Variants in VPS26B observed in about 807,000 individuals in gnomAD.
VPS26B encodes vacuolar protein sorting-associated protein 26B.
A neutral mutation model predicts 33.3 loss-of-function variants in VPS26B; 10 were observed. That is an observed-to-expected ratio of 0.30 (90% CI 0.19 to 0.51). VPS26B has a LOEUF of 0.51. Among genes scored for constraint, VPS26B ranks in the 20% least tolerant of loss-of-function variants. The pLI is 0.98. For missense variants in VPS26B, 317 were observed against 452.7 expected (o/e 0.70, Z 2.72); for synonymous variants, 190 against 176.9 (o/e 1.07, Z -0.59).
intron 2 of VPS26B, among the ~76,000 whole-genome samples, chr11:134,239,309 A>G (rs1389839600): frequency 3.3e-5 from 5 of 152,142 alleles, no homozygotes; most frequent in African/African-American, 9.7e-5. Flanking sequence ...CAGCATCTCA[A>G]TTAGCCCTTT....
At chr11:134,237,096 A>C (rs1158734484) in intron 2 of VPS26B, among the ~76,000 whole-genome samples, 1 of 152,270 alleles carries the variant, frequency 6.6e-6, no homozygotes. Flanking sequence ...TGTAACTTCC[A>C]GATTAAAAGC....
In VPS26B at chr11:134,244,896, A is replaced by G. The variant is rs1938786313; in HGVS notation, c.722-42A>G. 1 of 1,598,586 alleles carries G rather than the reference A, an allele frequency of 6.3e-7. No individual in the cohort carries two copies. The highest frequency in any genetic ancestry group is 8.5e-7 in the Non-Finnish European group (1 of 1,176,070). ...AGTGACCTGGTATAAGGGAGAGGGC[A>G]TCACCTTGCCCCCTGTGCTGACTCC... On this transcript the variant is annotated intron_variant, in intron 4 of 5. Coordinates refer to ENST00000281187, the MANE Select transcript of VPS26B (RefSeq NM_052875.5). The surrounding 1 kb of genome is among the most constrained non-coding windows in gnomAD (Gnocchi z 4.0).
In VPS26B at chr11:134,240,794, C is replaced by CCCGTGTGT. The variant is rs768998674; in HGVS notation, c.545+639_545+640insCCGTGTGT. ...GTGTCCGTGTGTGTGTGTGTGTGTC[C>CCCGTGTGT]GTGTGTGTGTGTGTGTGTGTGTGTG... is the stretch of plus-strand genomic sequence containing the variant. On this transcript the variant is annotated intron_variant, in intron 3 of 5. Coordinates refer to ENST00000281187, the MANE Select transcript of VPS26B (RefSeq NM_052875.5). The surrounding 1 kb of genome is among the most constrained non-coding windows in gnomAD (Gnocchi z 4.4). Among the ~76,000 whole-genome samples, 4 of 138,434 alleles carry CCCGTGTGT rather than the reference C, an allele frequency of 2.9e-5. No homozygotes were observed. Among genetic ancestry groups the CCCGTGTGT allele is most frequent in the African/African-American group, 1.1e-4 (4 of 36,342 alleles). The allele number at this position is 138,434 out of a possible 152,430, so 90.8% of individuals were successfully genotyped here.
At chr11:134,231,994 C>T (rs1360934577) in intron 1 of VPS26B, among the ~76,000 whole-genome samples, 2 of 152,260 alleles carry the variant, frequency 1.3e-5, no homozygotes, top group African/African-American at 4.8e-5. Flanking sequence ...GCAAAGCTGG[C>T]TCAGTTTCCT....
intron 1 of VPS26B, among the ~76,000 whole-genome samples, chr11:134,231,170 G>A (rs556606319): frequency 3.9e-5 from 6 of 152,134 alleles, no homozygotes; most frequent in East Asian, 1.9e-4. Flanking sequence ...TCAGACATGC[G>A]GAGGAGGGCA....
At chr11:134,239,343 TG>T (rs763498291) in intron 2 of VPS26B, among the ~76,000 whole-genome samples, 3 of 152,214 alleles carry the variant, frequency 2.0e-5, no homozygotes, top group African/African-American at 4.8e-5. Flanking sequence ...TTTCTCTATT[TG>T]CCCATCTCCC....
At chr11:134,234,837 T>A in intron 1 of VPS26B, 60 bp from the exon 2 acceptor site, 1 of 1,577,360 alleles carries the variant, frequency 6.3e-7, no homozygotes, top group East Asian at 2.3e-5. Context: ...AGCCCCCTAC[T>A]CGGCCCGGTG....
At chr11:134,241,207 AAGT>A (rs887269429) in intron 3 of VPS26B, among the ~76,000 whole-genome samples, 5 of 152,190 alleles carry the variant, frequency 3.3e-5, no homozygotes, top group African/African-American at 9.6e-5. Context: ...CAAAGTCTCT[AAGT>A]AGGATTTTCA....
At chr11:134,242,542 A>C (rs987514664) in intron 3 of VPS26B, among the ~76,000 whole-genome samples, 1 of 152,258 alleles carries the variant, frequency 6.6e-6, no homozygotes. Context: ...CCTGAGGGTC[A>C]GGAAGTGTTA....
In VPS26B at chr11:134,240,020, G is replaced by A; in HGVS notation, c.410G>A (p.Arg137His). The A allele has an allele frequency of 2.5e-6, 4 of 1,614,108 alleles. No individual in the cohort carries two copies. The highest frequency in any genetic ancestry group is 3.4e-6 in the Non-Finnish European group (4 of 1,180,026). Reference protein sequence around the residue: ...RYFLRATISRRLNDVVKEMDI... With the variant: ...RYFLRATISRHLNDVVKEMDI... ...TTCCTTCGTGCTACCATCAGCCGCC[G>A]CCTCAATGATGTTGTCAAAGAGATG... Residue 137 changes from arginine to histidine, a missense_variant, in exon 3 of 6, where the codon CGC becomes CAC. Arg to His is a conservative substitution (Grantham distance 29). Coordinates refer to ENST00000281187, the MANE Select transcript of VPS26B (RefSeq NM_052875.5). This position sits in a 1 kb window ranked among gnomAD's most constrained non-coding sequence, Gnocchi z 4.4.
At chr11:134,234,392 C>T (rs556328103) in intron 1 of VPS26B, among the ~76,000 whole-genome samples, 1 of 152,228 alleles carries the variant, frequency 6.6e-6, no homozygotes, top group African/African-American at 2.4e-5. Flanking sequence ...GAGACCTGCT[C>T]TAGTCTCAGC....
intron 2 of VPS26B, chr11:134,239,654 C>T (rs1183352169): frequency 8.9e-6 from 3 of 336,390 alleles, no homozygotes; most frequent in African/African-American, 2.1e-5. Context: ...GTGGTAAGGG[C>T]CGTGAAAGGC....
chr11:134,226,576 CGTTAG>C (rs1371185618), intron 1 of VPS26B, among the ~76,000 whole-genome samples: 1 of 152,092 alleles, frequency 6.6e-6, no homozygotes, highest in Non-Finnish European at 1.5e-5. Context: ...TTGTTTTTGT[CGTTAG>C]GTTAGGAGTA....
At chr11:134,236,908 T>C (rs1312215584) in intron 2 of VPS26B, among the ~76,000 whole-genome samples, 1 of 152,210 alleles carries the variant, frequency 6.6e-6, no homozygotes, top group African/African-American at 2.4e-5. Flanking sequence ...AATACGAATA[T>C]CATTAATGCC....
intron 1 of VPS26B, among the ~76,000 whole-genome samples, chr11:134,229,505 T>C (rs1938527919): frequency 6.6e-6 from 1 of 152,176 alleles, no homozygotes; most frequent in Non-Finnish European, 1.5e-5. Flanking sequence ...ACAGCCCCAC[T>C]GCGTCTCCTT....
intron 1 of VPS26B, among the ~76,000 whole-genome samples, chr11:134,225,758 C>G (rs1938447723): frequency 6.6e-6 from 1 of 152,176 alleles, no homozygotes; most frequent in Admixed American, 6.5e-5. Flanking sequence ...TCCCATCGCC[C>G]GGCCATCTGC....
Position 134,244,908 on chromosome 11 carries a change from C to T in VPS26B, c.722-30C>T. The stretch of plus-strand genomic sequence containing the variant: ...TAAGGGAGAGGGCATCACCTTGCCC[C>T]CTGTGCTGACTCCTGCCCTCCCCCT... On this transcript the variant is annotated intron_variant, in intron 4 of 5. Transcript: ENST00000281187. This position sits in a 1 kb window ranked among gnomAD's most constrained non-coding sequence, Gnocchi z 4.0. 1 of 1,606,222 alleles carries T rather than the reference C, an allele frequency of 6.2e-7. No homozygotes were observed. The highest frequency in any genetic ancestry group is 8.5e-7 in the Non-Finnish European group (1 of 1,178,630).
Position 134,240,236 on chromosome 11 carries a change from C to A in VPS26B, c.545+81C>A. The stretch of plus-strand genomic sequence containing the variant: ...ACTTGATGCAGATGCAAACTGATGA[C>A]CCTCTGTGACTCGACTGCTTTGTGG... On this transcript the variant is annotated intron_variant, in intron 3 of 5. Transcript: ENST00000281187. This position sits in a 1 kb window ranked among gnomAD's most constrained non-coding sequence, Gnocchi z 4.4. The A allele has an allele frequency of 2.0e-6, 3 of 1,485,374 alleles. No individual in the cohort carries two copies. Among genetic ancestry groups the A allele is most frequent in the South Asian group, 2.3e-5 (2 of 85,232 alleles). 92.0% of individuals were successfully genotyped at this position (1,485,374 alleles called of 1,614,324 possible).
rs1938758014 is a variant in VPS26B at position 134,243,063 on chromosome 11, CAG to C, written c.546-54_546-53del. 3.8e-6 allele frequency: 6 copies of C among 1,589,162 alleles called. No individual in the cohort carries two copies. The South Asian group carries it at 4.5e-5, about 12-fold the overall frequency. ...CCGTGGCGTGTGCGCTCTACTGAAA[CAG>C]AAAGGTCTGGCCACAGTACCAACAT... On this transcript the variant is annotated intron_variant, in intron 3 of 5. Transcript: ENST00000281187.
Sources: allele counts gnomAD v4.1 joint callset (sites outside exome capture counted in the v4.1 genomes callset), GRCh38; gene constraint gnomAD v4.1.1; non-coding constraint Gnocchi (gnomAD v3.1); transcripts MANE v1.5; gene names NCBI Gene and HGNC (gene_info 2026-07-23, HGNC 2026-07-21).